CFAP58: variants seen among roughly 807,000 people sequenced by gnomAD.
The protein encoded by CFAP58 is cilia and flagella associated protein 58.
In CFAP58, 88 loss-of-function variants were observed where a neutral mutation model predicts 119.5. That is an observed-to-expected ratio of 0.74 (90% confidence interval 0.62 to 0.88). The LOEUF is 0.88. Ranked by LOEUF, CFAP58 falls within the 40% of genes least tolerant of loss-of-function variation. The pLI is 0.00. For synonymous variants in CFAP58, 365 were observed against 366.3 expected, an observed-to-expected ratio of 1.00 and a Z score of 0.04; for missense variants, 990 against 1,021.2, an observed-to-expected ratio of 0.97 and a Z score of 0.42.
At chr10:104,450,021 A>G in intron 16 of CFAP58, 50 bp from the exon 17 acceptor site, 3 of 1,551,894 alleles carry the variant, frequency 1.9e-6, no homozygotes, top group Non-Finnish European at 2.6e-6. Context: ...AAGATTTCTC[A>G]GAAAAGGATA....
At chr10:104,353,952 C>T (rs761724145) in intron 1 of CFAP58, 46 bp downstream of exon 1, 2 of 1,606,624 alleles carry the variant, frequency 1.2e-6, no homozygotes, top group Non-Finnish European at 1.7e-6. Flanking sequence ...GACCCCTCCC[C>T]ATTGTCCCTC....
At chr10:104,371,179 A>C in intron 7 of CFAP58, 125 bp downstream of exon 7, 2 of 839,708 alleles carry the variant, frequency 2.4e-6, no homozygotes, top group Non-Finnish European at 3.5e-6. Context: ...AACAACACTC[A>C]CACTGGTAAA....
chr10:104,404,293 C>A (rs11192041), intron 14 of CFAP58, among the ~76,000 whole-genome samples: 1 of 152,114 alleles, frequency 6.6e-6, no homozygotes. Context: ...GAAAGCATTG[C>A]GTTAGCCAAG....
At chr10:104,369,944 T>G (rs2014800813) in intron 6 of CFAP58, among the ~76,000 whole-genome samples, 1 of 152,166 alleles carries the variant, frequency 6.6e-6, no homozygotes, top group Non-Finnish European at 1.5e-5. Flanking sequence ...ATCGGGTGCT[T>G]TTCTTTGCTA....
chr10:104,370,825 GTTTA>G (rs758396513), intron 6 of CFAP58, 66 bp from the exon 7 acceptor site: 151 of 1,404,708 alleles, frequency 1.1e-4, no homozygotes, highest in Non-Finnish European at 1.4e-4. Flanking sequence ...TTGGTTCTGA[GTTTA>G]CCATCATCCA....
At chr10:104,399,975 T>A (rs2012233133) in intron 12 of CFAP58, among the ~76,000 whole-genome samples, 2 of 151,996 alleles carry the variant, frequency 1.3e-5, no homozygotes, top group Non-Finnish European at 1.5e-5. Flanking sequence ...ATTTAACTGC[T>A]CTGAGGGACC....
chr10:104,402,239 T>G (rs1160872198), intron 13 of CFAP58, among the ~76,000 whole-genome samples: 1 of 152,048 alleles, frequency 6.6e-6, no homozygotes, highest in Non-Finnish European at 1.5e-5. Flanking sequence ...TAGTATAGAG[T>G]CTAGTACAAA....
chr10:104,362,818 A>G (rs1466498933), intron 3 of CFAP58, among the ~76,000 whole-genome samples: 1 of 152,142 alleles, frequency 6.6e-6, no homozygotes, highest in African/African-American at 2.4e-5. Flanking sequence ...CCCCAGCATA[A>G]ACACTTTCAA....
intron 15 of CFAP58, among the ~76,000 whole-genome samples, chr10:104,415,134 T>C (rs1017992397): frequency 2.0e-5 from 3 of 152,118 alleles, no homozygotes; most frequent in African/African-American, 7.2e-5. Context: ...CAGGATGCTA[T>C]GGGACTCTAA....
At chr10:104,366,073 T>C in intron 5 of CFAP58, 65 bp downstream of exon 5, 2 of 1,332,692 alleles carry the variant, frequency 1.5e-6, no homozygotes, top group Non-Finnish European at 2.0e-6. Context: ...TTATTCACCC[T>C]TTTGTGCATT....
chr10:104,448,670 G>T (rs1158169861), intron 16 of CFAP58, among the ~76,000 whole-genome samples: 1 of 152,154 alleles, frequency 6.6e-6, no homozygotes, highest in African/African-American at 2.4e-5. Context: ...ATAGGACATT[G>T]TAAAACTGCA....
At position 104,357,950 on chromosome 10, in the gene CFAP58, T is replaced by C. The variant is rs906743027; in HGVS notation, c.10-391T>C. On this transcript the variant is annotated intron_variant, in intron 1 of 17. Coordinates refer to ENST00000369704, the MANE Select transcript of CFAP58 (RefSeq NM_001008723.2). Reference sequence around the variant, plus strand: ...ACATATACACACATATATGTACACATATATACACATATATGTACACATATG... The same window carrying C: ...ACATATACACACATATATGTACACACATATACACATATATGTACACATATG... Among the ~76,000 whole-genome samples, 90 of 123,710 alleles carry C rather than the reference T, an allele frequency of 7.3e-4. 1 individual carries two copies. The highest frequency in any genetic ancestry group is 2.5e-3 in the East Asian group (12 of 4,842). The allele number at this position is 123,710 out of a possible 152,430, so 81.2% of individuals were successfully genotyped here. A position where few individuals can be genotyped will look rare whatever the true frequency, so the allele number is the denominator to read the frequency against.
At chr10:104,366,601 C>T (rs2014754469) in intron 5 of CFAP58, among the ~76,000 whole-genome samples, 1 of 152,128 alleles carries the variant, frequency 6.6e-6, no homozygotes, top group African/African-American at 2.4e-5. Flanking sequence ...CCCTTAGCAA[C>T]AAGTGGCTAT....
chr10:104,447,458 A>G (rs139459971), intron 15 of CFAP58, among the ~76,000 whole-genome samples: 161 of 152,262 alleles, frequency 1.1e-3, no homozygotes, highest in African/African-American at 3.8e-3. Context: ...ATGTTCAGGT[A>G]GAGAGGAACT....
upstream of CFAP58, chr10:104,351,741 A>C (rs2135234379): frequency 6.6e-6 from 1 of 152,346 alleles, no homozygotes; most frequent in African/African-American, 2.4e-5. Context: ...AAATGATGGG[A>C]GAATACCTTT....
At chr10:104,340,513 A>T in the CFAP58 span, among the ~76,000 whole-genome samples, 1 of 152,128 alleles carries the variant, frequency 6.6e-6, no homozygotes, top group Non-Finnish European at 1.5e-5. Flanking sequence ...TGGATTGGAC[A>T]CCCCTCCTGT....
chr10:104,450,186 G>A lies in CFAP58; in HGVS notation c.2492G>A (p.Arg831His), dbSNP rs143080879. 1.3e-5 allele frequency: 21 copies of A among 1,612,576 alleles called. No individual in the cohort carries two copies. Among genetic ancestry groups the A allele is most frequent in the African/African-American group, 8.0e-5 (6 of 74,836 alleles). Residue 831 changes from arginine (R) to histidine (H), a missense_variant, in exon 17 of 18, where the codon CGT becomes CAT. Arg to His is a conservative substitution (Grantham distance 29). Transcript: ENST00000369704. ...NLKKKYLAQKRKEQLQKNKDT... is the reference protein window; with the variant it reads ...NLKKKYLAQKHKEQLQKNKDT... ...AAGAAGAAATACCTCGCTCAGAAAC[G>A]TAAAGAACAACTTCAAAAGTAAGAA...
chr10:104,418,874 C>T (rs1221975576), intron 15 of CFAP58, among the ~76,000 whole-genome samples: 4 of 152,248 alleles, frequency 2.6e-5, no homozygotes, highest in Admixed American at 6.5e-5. Flanking sequence ...CCTCACTAGA[C>T]GATGATGTGG....
intron 17 of CFAP58, among the ~76,000 whole-genome samples, chr10:104,453,172 G>C (rs1458372132): frequency 6.6e-6 from 1 of 152,128 alleles, no homozygotes; most frequent in Non-Finnish European, 1.5e-5. Flanking sequence ...GGGGGAGGGG[G>C]AGTGATGCCG....
Sources: allele counts gnomAD v4.1 joint callset (sites outside exome capture counted in the v4.1 genomes callset), GRCh38; gene constraint gnomAD v4.1.1; transcripts MANE v1.5; gene names NCBI Gene and HGNC (gene_info 2026-07-23, HGNC 2026-07-21).